TMTC4: variants seen among roughly 807,000 people sequenced by gnomAD.
TMTC4 encodes transmembrane O-mannosyltransferase targeting cadherins 4.
In TMTC4, 65 loss-of-function variants were observed where a neutral mutation model predicts 86.0. That is an observed-to-expected ratio of 0.76 (90% CI 0.62 to 0.93). The LOEUF is 0.93. Ranked by LOEUF, TMTC4 falls within the 40% of genes least tolerant of loss-of-function variation. The probability of loss-of-function intolerance (pLI) is 0.00; values close to 1 mark genes in which losing one functional copy is unlikely to be tolerated. For synonymous variants in TMTC4, 379 were observed against 382.5 expected, an observed-to-expected ratio of 0.99 and a Z score of 0.11; for missense variants, 866 against 948.1, an observed-to-expected ratio of 0.91 and a Z score of 1.14.
chr13:100,669,186 T>C (rs1040853896), intron 2 of TMTC4, among the ~76,000 whole-genome samples: 2 of 152,152 alleles, frequency 1.3e-5, no homozygotes, highest in Admixed American at 6.5e-5. Context: ...AAATAGTCAT[T>C]GTTGGGTTTT....
At chr13:100,642,392 C>A (rs1291375122) in intron 6 of TMTC4, 81 bp from the exon 7 acceptor site, 6 of 1,471,992 alleles carry the variant, frequency 4.1e-6, no homozygotes, top group Non-Finnish European at 5.7e-6. Flanking sequence ...AAATTCTAAG[C>A]AAATACCTTA....
At chr13:100,639,092 A>G (rs17579050) in intron 7 of TMTC4, among the ~76,000 whole-genome samples, 11,813 of 152,276 alleles carry the variant, frequency 0.078, 529 homozygotes, top group Non-Finnish European at 0.11. Flanking sequence ...TGGATAAAGC[A>G]GTCTGCACAT....
rs1296569630 is a variant in TMTC4 at position 100,632,053 on chromosome 13, A to ACACACACACACACACACTCT, written c.1506+2751_1506+2752insAGAGTGTGTGTGTGTGTGTG. On this transcript the variant is annotated intron_variant, in intron 12 of 18. Transcript: ENST00000342624. Reference sequence around the variant, plus strand: ...CACACACACACACACACACACACACACTCTCTCTCTCTCTCTCTCTCTCTC... The same window carrying ACACACACACACACACACTCT: ...CACACACACACACACACACACACACACACACACACACACACACTCTCTCTCTCTCTCTCTCTCTCTCTCTC... 4.8e-3 allele frequency among the ~76,000 whole-genome samples: 208 copies of ACACACACACACACACACTCT among 43,032 alleles called. 3 individuals carry two copies. The highest frequency in any genetic ancestry group is 0.016 in the African/African-American group (193 of 11,734). The allele number at this position is 43,032 out of a possible 152,430, so 28.2% of individuals were successfully genotyped here. A position where few individuals can be genotyped will look rare whatever the true frequency, so the allele number is the denominator to read the frequency against.
chr13:100,638,128 C>G (rs1179131116), intron 7 of TMTC4, 106 bp from the exon 8 acceptor site: 6 of 802,110 alleles, frequency 7.5e-6, no homozygotes, highest in Admixed American at 2.5e-5. Context: ...AACACATAGA[C>G]TAGAGAATCA....
rs144915685 is a variant in TMTC4, at chr13:100,634,896, T to G, written c.1415A>C (p.Asn472Thr). ...AAVVLGILFINTLRCVLRSGE... is the reference protein window; with the variant it reads ...AAVVLGILFITTLRCVLRSGE... ...GCTGCGCAGCACACATCTCAGCGTG[T>G]TGATGAATAAGATTCCCAGCACGAC... Residue 472 changes from asparagine (N) to threonine (T), a missense_variant, in exon 12 of 19, where the codon AAC (asparagine) becomes ACC (threonine). By Grantham distance (65) the Asn-to-Thr change is moderately conservative. Coordinates refer to ENST00000342624, the MANE Select transcript of TMTC4 (RefSeq NM_032813.5). The G allele has an allele frequency of 1.3e-5, 21 of 1,614,056 alleles. No homozygotes were observed. Among genetic ancestry groups the G allele is most frequent in the African/African-American group, 4.0e-5 (3 of 74,916 alleles).
chr13:100,636,853 C>T, intron 9 of TMTC4, 119 bp from the exon 10 acceptor site: 1 of 1,041,116 alleles, frequency 9.6e-7, no homozygotes, highest in South Asian at 1.5e-5. Flanking sequence ...GCAGTTGTAT[C>T]AAATAAAATG....
In TMTC4 at chr13:100,636,877, T is replaced by C. The variant is rs934158334; in HGVS notation, c.1000-143A>G. ...TCAAATAAAATGTTGCCAACGTGTA[T>C]TGGGTATGTGACTATAGTCTGTAAA... On this transcript the variant is annotated intron_variant, in intron 9 of 18. Transcript: ENST00000342624. The C allele has an allele frequency of 1.1e-5, 9 of 805,160 alleles. No homozygotes were observed. In the Admixed American group the frequency reaches 1.4e-4, roughly 13 times the overall value. 49.9% of individuals were successfully genotyped at this position (805,160 alleles called of 1,614,324 possible).
intron 6 of TMTC4, among the ~76,000 whole-genome samples, chr13:100,653,434 G>A (rs1158381720): frequency 1.3e-5 from 2 of 152,116 alleles, no homozygotes; most frequent in South Asian, 2.1e-4. Context: ...GCCAGGGAAC[G>A]AGGTGGACGG....
At chr13:100,615,434 C>T (rs1238898018) in intron 15 of TMTC4, among the ~76,000 whole-genome samples, 1 of 150,288 alleles carries the variant, frequency 6.7e-6, no homozygotes, top group Admixed American at 6.7e-5. Flanking sequence ...AGCCACCGCG[C>T]CAGGCGTATG....
chr13:100,662,266 G>A (rs1415391111), intron 5 of TMTC4, among the ~76,000 whole-genome samples: 3 of 143,886 alleles, frequency 2.1e-5, no homozygotes, highest in Non-Finnish European at 3.0e-5. Flanking sequence ...GGAGGGTGGA[G>A]AGACTTCACC....
At chr13:100,662,480 G>A (rs1885901077) in intron 5 of TMTC4, among the ~76,000 whole-genome samples, 1 of 152,018 alleles carries the variant, frequency 6.6e-6, no homozygotes, top group African/African-American at 2.4e-5. Context: ...TGATGTCACA[G>A]CGTTTTCATA....
chr13:100,625,310 T>A lies in TMTC4; in HGVS notation c.1836+225A>T, dbSNP rs1329812414. ...TTATTCCTGGGTTTAACCTTTTGCG[T>A]GGGTGACCTCTTAAACTTGACTAAT... On this transcript the variant is annotated intron_variant, in intron 15 of 18. Transcript: ENST00000342624. 6.8e-6 allele frequency: 4 copies of A among 584,938 alleles called. No individual in the cohort carries two copies. In the African/African-American group the frequency reaches 7.5e-5, roughly 11 times the overall value. 36.2% of individuals were successfully genotyped at this position (584,938 alleles called of 1,614,324 possible).
chr13:100,674,556 T>A, intron 1 of TMTC4, 188 bp downstream of exon 1: 1 of 980,592 alleles, frequency 1.0e-6, no homozygotes, highest in South Asian at 4.7e-5. Context: ...GGGGCCCGCG[T>A]CCCCCGTGAC....
At chr13:100,674,294 G>A (rs2139095904) in intron 1 of TMTC4, 3 of 979,232 alleles carry the variant, frequency 3.1e-6, no homozygotes, top group Non-Finnish European at 1.2e-6. Flanking sequence ...CAAGCGGCCC[G>A]GCTGTGTCCA....
rs375426058 is a variant in TMTC4, at chr13:100,655,604, G to T, written c.640+777C>A. Among the ~76,000 whole-genome samples, 11 of 152,254 alleles carry T rather than the reference G, an allele frequency of 7.2e-5. No homozygotes were observed. The East Asian group carries it at 1.2e-3, about 16-fold the overall frequency. On this transcript the variant is annotated intron_variant, in intron 6 of 18. Coordinates refer to ENST00000342624, the MANE Select transcript of TMTC4 (RefSeq NM_032813.5). ...TGGGAGATTTGTAATCATCATAGGTGGGGAGACCCTTACCCCAGGAAGAGA... is the reference window on the plus strand; with the variant it reads ...TGGGAGATTTGTAATCATCATAGGTTGGGAGACCCTTACCCCAGGAAGAGA...
intron 5 of TMTC4, among the ~76,000 whole-genome samples, chr13:100,659,763 C>T (rs1188209509): frequency 6.6e-6 from 1 of 150,722 alleles, no homozygotes; most frequent in African/African-American, 2.4e-5. Context: ...GAGCACAAAA[C>T]ACCGACTGCA....
intron 12 of TMTC4, among the ~76,000 whole-genome samples, chr13:100,634,005 T>C (rs1159858390): frequency 1.3e-5 from 2 of 151,994 alleles, no homozygotes; most frequent in Non-Finnish European, 2.9e-5. Context: ...CTGGGTGTGG[T>C]AGCAAGCGCC....
intron 14 of TMTC4, 35 bp from the exon 15 acceptor site, chr13:100,625,711 G>C (rs747000637): frequency 3.7e-6 from 6 of 1,611,384 alleles, no homozygotes; most frequent in Middle Eastern, 3.3e-4. Flanking sequence ...TAAACAAGAA[G>C]ATGAAAGGCT....
At chr13:100,644,903 C>T (rs867737764) in intron 6 of TMTC4, among the ~76,000 whole-genome samples, 10 of 152,036 alleles carry the variant, frequency 6.6e-5, no homozygotes, top group African/African-American at 2.2e-4. Flanking sequence ...CAACCTCCGC[C>T]TCCCGGGTTC....
Sources: gnomAD v4.1 joint callset for allele counts (sites outside exome capture counted in the v4.1 genomes callset) on GRCh38, gnomAD v4.1.1 for gene constraint, MANE v1.5 for transcripts, NCBI Gene and HGNC (gene_info 2026-07-23, HGNC 2026-07-21) for gene names.